The following SPECC1 variants were observed in gnomAD, a reference collection of about 807,000 sequenced individuals.
SPECC1 encodes the protein sperm antigen with calponin homology and coiled-coil domains 1.
SPECC1 carries 62 observed loss-of-function variants against 104.1 expected under a neutral mutation model. The observed-to-expected ratio is 0.60, with a 90% CI of 0.49 to 0.74. The LOEUF (loss-of-function observed/expected upper bound fraction) is 0.74, where lower values mean the gene tolerates loss of function less well. SPECC1 is among the 30% of genes least tolerant of loss of function. The probability of loss-of-function intolerance (pLI) is 0.00; values close to 1 mark genes in which losing one functional copy is unlikely to be tolerated. For missense variants in SPECC1, 1,306 were observed against 1,310.5 expected, an observed-to-expected ratio of 1.00 and a Z score of 0.05; for synonymous variants, 513 against 501.6, an observed-to-expected ratio of 1.02 and a Z score of -0.30.
chr17:20,101,576 C>T (rs776017995), intron 2 of SPECC1, among the ~76,000 whole-genome samples: 1 of 152,204 alleles, frequency 6.6e-6, no homozygotes, highest in African/African-American at 2.4e-5. Context: ...GGTGCATACA[C>T]TCCTGTAAAT....
intron 1 of SPECC1, among the ~76,000 whole-genome samples, chr17:20,034,522 C>T (rs763648636): frequency 1.3e-5 from 2 of 151,984 alleles, no homozygotes; most frequent in African/African-American, 2.4e-5. Context: ...TGAGCCACCA[C>T]GACTGGCCTT....
chr17:20,274,454 T>C (rs887574038), intron 12 of SPECC1, among the ~76,000 whole-genome samples: 1 of 152,226 alleles, frequency 6.6e-6, no homozygotes, highest in African/African-American at 2.4e-5. Context: ...TTGTTGGTTT[T>C]CTAGGTAAAC....
chr17:20,021,438 A>T (rs958575212), intron 1 of SPECC1, among the ~76,000 whole-genome samples: 2 of 151,896 alleles, frequency 1.3e-5, no homozygotes, highest in Admixed American at 6.6e-5. Flanking sequence ...TCTCCTGTAG[A>T]TGGACACCCA....
chr17:20,136,893 G>T (rs1032448706), intron 3 of SPECC1, among the ~76,000 whole-genome samples: 2 of 152,112 alleles, frequency 1.3e-5, no homozygotes, highest in Non-Finnish European at 2.9e-5. Flanking sequence ...TAATTTCCCT[G>T]GGCCAGGATA....
At chr17:20,096,958 G>A (rs1448215630) in intron 2 of SPECC1, among the ~76,000 whole-genome samples, 160 bp downstream of exon 2, 1 of 152,198 alleles carries the variant, frequency 6.6e-6, no homozygotes, top group East Asian at 1.9e-4. Flanking sequence ...TGAAGGAATA[G>A]AGCTAGCGGG....
intron 3 of SPECC1, among the ~76,000 whole-genome samples, chr17:20,138,891 C>T (rs1278918163): frequency 6.6e-6 from 1 of 152,180 alleles, no homozygotes; most frequent in East Asian, 1.9e-4. Flanking sequence ...CATCACTTAT[C>T]AACCAGTTCT....
chr17:20,185,210 A>T (rs895061987), intron 3 of SPECC1: 1 of 152,314 alleles, frequency 6.6e-6, no homozygotes, highest in African/African-American at 2.4e-5. Context: ...CTTGTCCCAC[A>T]TGCCCTCCTA....
intron 1 of SPECC1, among the ~76,000 whole-genome samples, chr17:20,075,048 G>A (rs768333785): frequency 4.6e-5 from 7 of 151,956 alleles, no homozygotes; most frequent in Admixed American, 1.3e-4. Flanking sequence ...GACTACAGGC[G>A]CATGCCATCA....
intron 1 of SPECC1, among the ~76,000 whole-genome samples, chr17:20,070,923 C>T (rs1307059509): frequency 6.6e-6 from 1 of 151,864 alleles, no homozygotes; most frequent in Non-Finnish European, 1.5e-5. Context: ...GCCTCTCCTA[C>T]CTTATTCAGG....
chr17:20,128,894 T>A (rs2049456434), intron 3 of SPECC1, among the ~76,000 whole-genome samples: 1 of 152,096 alleles, frequency 6.6e-6, no homozygotes, highest in South Asian at 2.1e-4. Flanking sequence ...ATTTTTTAAT[T>A]TAATTTTTTA....
At chr17:20,072,856 C>G (rs2046610957) in intron 1 of SPECC1, among the ~76,000 whole-genome samples, 1 of 152,158 alleles carries the variant, frequency 6.6e-6, no homozygotes, top group Non-Finnish European at 1.5e-5. Context: ...GTTCTTGGTG[C>G]CTGTGGATAT....
At chr17:20,029,511 T>C (rs988000353) in intron 1 of SPECC1, among the ~76,000 whole-genome samples, 1 of 152,176 alleles carries the variant, frequency 6.6e-6, no homozygotes, top group East Asian at 1.9e-4. Flanking sequence ...AATTTATATT[T>C]ATAAGTTTGA....
In SPECC1 at chr17:20,035,854, A is replaced by G. The variant is rs146044734; in HGVS notation, c.-22+26430A>G. On this transcript the variant is annotated intron_variant, in intron 1 of 14. Coordinates refer to ENST00000395527, the MANE Select transcript of SPECC1 (RefSeq NM_001243439.2). The stretch of plus-strand genomic sequence containing the variant: ...GGTTATTTTGCTTTTTTTTTTTGAG[A>G]CGGAGTCTCGTTCTCTCACCCAGGC... 7.4e-3 allele frequency among the ~76,000 whole-genome samples: 1,128 copies of G among 151,806 alleles called. 16 individuals are homozygous for G. Among genetic ancestry groups the G allele is most frequent in the African/African-American group, 0.025 (1,018 of 41,404 alleles).
chr17:20,172,336 G>T (rs2151185319), intron 3 of SPECC1, among the ~76,000 whole-genome samples: 1 of 152,338 alleles, frequency 6.6e-6, no homozygotes, highest in South Asian at 2.1e-4. Flanking sequence ...GTTAACACCT[G>T]ATTGTGGATC....
In SPECC1 at chr17:20,204,551, T is replaced by C; in HGVS notation, c.502T>C (p.Ser168Pro). Residue 168 changes from serine (S) to proline (P), a missense_variant, in exon 4 of 15, where the codon TCC becomes CCC. Around this residue, in one of 2 missense-constraint regions of SPECC1, gnomAD observed 1,177 missense variants for 1,139.9 expected, o/e 1.03. Coordinates refer to ENST00000395527, the MANE Select transcript of SPECC1 (RefSeq NM_001243439.2). ...AGGTGGAGAAAAGGCTGCGCTTGAG[T>C]CCCAAGTTCGGGAACTTTTGGCAGA... ...NEGGEKAALE[S>P]QVRELLAEAK... 1.9e-6 allele frequency: 3 copies of C among 1,614,090 alleles called. No individual in the cohort carries two copies. The highest frequency in any genetic ancestry group is 2.5e-6 in the Non-Finnish European group (3 of 1,180,018).
chr17:20,197,848 A>G (rs558676422), intron 3 of SPECC1, among the ~76,000 whole-genome samples: 1 of 152,382 alleles, frequency 6.6e-6, no homozygotes, highest in East Asian at 1.9e-4. Flanking sequence ...AGAAATTCAT[A>G]GCACAAAATA....
intron 12 of SPECC1, among the ~76,000 whole-genome samples, chr17:20,273,464 C>CAA (rs10708984): frequency 2.8e-5 from 4 of 144,386 alleles, no homozygotes; most frequent in African/African-American, 1.0e-4. Flanking sequence ...GAGACTCTGT[C>CAA]AAAAAAAAAA....
At position 20,314,765 on chromosome 17, in the gene SPECC1, G is replaced by A. The variant is rs542255998; in HGVS notation, c.*700G>A. ...CAGGGCAACCTGGAAACGTGCGTGC[G>A]CACTCAGCCTTTTGGGGAAAAATGG... On this transcript the variant is annotated 3_prime_UTR_variant, in exon 15 of 15. Coordinates refer to ENST00000395527, the MANE Select transcript of SPECC1 (RefSeq NM_001243439.2). The A allele has an allele frequency of 1.8e-5, 4 of 220,510 alleles. No homozygotes were observed. Among genetic ancestry groups the A allele is most frequent in the South Asian group, 1.9e-4 (1 of 5,340 alleles). 13.7% of individuals were successfully genotyped at this position (220,510 alleles called of 1,614,324 possible).
chr17:20,165,194 C>T (rs544288469), intron 3 of SPECC1, among the ~76,000 whole-genome samples: 7 of 150,736 alleles, frequency 4.6e-5, no homozygotes, highest in Non-Finnish European at 8.8e-5. Context: ...GATGCTGTCC[C>T]TCCTACTACC....
Sources: gnomAD v4.1 joint callset for allele counts (sites outside exome capture counted in the v4.1 genomes callset) on GRCh38, gnomAD v4.1.1 for gene constraint, gnomAD v4.1.1 regional missense constraint, MANE v1.5 for transcripts, NCBI Gene and HGNC (gene_info 2026-07-23, HGNC 2026-07-21) for gene names.